Variants in DCHS2 observed in about 807,000 individuals in gnomAD.
DCHS2 encodes the protein protocadherin-23.
DCHS2 carries 142 observed loss-of-function variants against 182.4 expected under a neutral mutation model. The observed-to-expected ratio is 0.78, with a 90% CI of 0.68 to 0.89. The LOEUF (loss-of-function observed/expected upper bound fraction) is 0.89, where lower values mean the gene tolerates loss of function less well. Among genes scored for constraint, DCHS2 ranks in the 40% least tolerant of loss-of-function variants. The pLI is 0.00. For synonymous variants in DCHS2, 1,740 were observed against 1,663.3 expected (o/e 1.05, Z -1.12); for missense variants, 4,319 against 4,198.6 (o/e 1.03, Z -0.79).
chr4:154,322,603 G>T, intron 7 of DCHS2, 115 bp from the exon 8 acceptor site: 1 of 1,285,634 alleles, frequency 7.8e-7, no homozygotes, highest in Non-Finnish European at 1.0e-6. Context: ...AATTCTATGA[G>T]AGTATGAACA....
intron 14 of DCHS2, among the ~76,000 whole-genome samples, chr4:154,264,171 C>CAG (rs1560994858): frequency 6.6e-6 from 1 of 152,064 alleles, no homozygotes; most frequent in Non-Finnish European, 1.5e-5. Flanking sequence ...ACTGAGGCTT[C>CAG]AGAGAATCGT....
chr4:154,399,059 A>G (rs566552790), intron 1 of DCHS2, among the ~76,000 whole-genome samples: 33 of 152,322 alleles, frequency 2.2e-4, no homozygotes, highest in African/African-American at 7.5e-4. Context: ...TCCAAAAAAC[A>G]TCATCTTAAG....
At chr4:154,304,942 C>T in intron 11 of DCHS2, 64 bp from the exon 12 acceptor site, 1 of 1,527,214 alleles carries the variant, frequency 6.5e-7, no homozygotes, top group East Asian at 2.4e-5. Context: ...ATATGTTGTT[C>T]TAACTAGACA....
chr4:154,372,578 G>A (rs936602428), intron 2 of DCHS2, among the ~76,000 whole-genome samples: 4 of 152,066 alleles, frequency 2.6e-5, no homozygotes, highest in Admixed American at 2.0e-4. Flanking sequence ...TAGAGATAGA[G>A]TGTTAATAAG....
chr4:154,462,196 A>T (rs146229359), intron 1 of DCHS2, among the ~76,000 whole-genome samples: 1 of 152,282 alleles, frequency 6.6e-6, no homozygotes, highest in African/African-American at 2.4e-5. Context: ...GTTACAAATG[A>T]TACATCCAAT....
intron 3 of DCHS2, chr4:154,357,248 C>A: frequency 6.2e-7 from 1 of 1,613,408 alleles, no homozygotes; most frequent in Non-Finnish European, 8.5e-7. Context: ...GTAAAAACAT[C>A]TCTAAACTGT....
chr4:154,353,652 C>A (rs576768625), intron 3 of DCHS2, among the ~76,000 whole-genome samples: 1 of 152,138 alleles, frequency 6.6e-6, no homozygotes, highest in African/African-American at 2.4e-5. Context: ...CTTAACAATC[C>A]CTTGGACTTT....
intron 19 of DCHS2, 134 bp from the exon 20 acceptor site, chr4:154,237,293 T>C: frequency 1.7e-6 from 2 of 1,168,198 alleles, no homozygotes; most frequent in South Asian, 3.6e-5. Flanking sequence ...CAATGAACAA[T>C]GACTCCAAAT....
In DCHS2 at chr4:154,361,633, G is replaced by A. The variant is rs144438438; in HGVS notation, c.2476+4577C>T. 6.4e-3 allele frequency among the ~76,000 whole-genome samples: 973 copies of A among 152,050 alleles called. 12 individuals carry two copies. Among genetic ancestry groups the A allele is most frequent in the African/African-American group, 0.022 (912 of 41,480 alleles). ...GAAGGCTCAACTCAGTATCTCTCTC[G>A]TGGCGCCTAAACACATTTTACAAAA... On this transcript the variant is annotated intron_variant, in intron 3 of 19. Coordinates refer to ENST00000357232, the MANE Select transcript of DCHS2 (RefSeq NM_001358235.2).
chr4:154,289,606 G>A (rs199642993), intron 13 of DCHS2, among the ~76,000 whole-genome samples: 4 of 151,838 alleles, frequency 2.6e-5, no homozygotes, highest in South Asian at 2.1e-4. Flanking sequence ...TATTATCTTC[G>A]TACCAAAATC....
chr4:154,318,549 TAC>T (rs1735941784), intron 9 of DCHS2, among the ~76,000 whole-genome samples: 1 of 152,126 alleles, frequency 6.6e-6, no homozygotes, highest in East Asian at 1.9e-4. Context: ...TGCATTTCTA[TAC>T]ACTAACAAGG....
intron 1 of DCHS2, among the ~76,000 whole-genome samples, chr4:154,419,613 G>T (rs1222175077): frequency 8.4e-6 from 1 of 119,424 alleles, no homozygotes; most frequent in African/African-American, 3.2e-5. Context: ...TCACACCATT[G>T]CATTCCAGCC....
Position 154,322,222 on chromosome 4 carries a change from T to A in DCHS2, c.4176+109A>T, listed in dbSNP as rs796788711. ...CAAAATAGTATTCATGTAACATACA[T>A]ACATATTCATATACATACATATTAC... On this transcript the variant is annotated intron_variant, in intron 8 of 19. Coordinates refer to ENST00000357232, the MANE Select transcript of DCHS2 (RefSeq NM_001358235.2). The A allele has an allele frequency of 5.0e-5, 71 of 1,420,444 alleles. No homozygotes were observed. The African/African-American group carries it at 9.1e-4, about 18-fold the overall frequency. 88.0% of individuals were successfully genotyped at this position (1,420,444 alleles called of 1,614,324 possible). A position where few individuals can be genotyped will look rare whatever the true frequency, so the allele number is the denominator to read the frequency against.
At chr4:154,363,640 T>G (rs533402960) in intron 3 of DCHS2, among the ~76,000 whole-genome samples, 1 of 152,288 alleles carries the variant, frequency 6.6e-6, no homozygotes, top group Admixed American at 6.5e-5. Flanking sequence ...TTTATAGCAT[T>G]AATAATAATG....
chr4:154,452,892 A>G (rs1000928716), intron 1 of DCHS2, among the ~76,000 whole-genome samples: 1 of 152,180 alleles, frequency 6.6e-6, no homozygotes, highest in East Asian at 1.9e-4. Context: ...CTTCAGGATA[A>G]AGGCTTTGCA....
At chr4:154,343,899 G>A (rs1002587643) in intron 3 of DCHS2, among the ~76,000 whole-genome samples, 6 of 152,244 alleles carry the variant, frequency 3.9e-5, no homozygotes, top group African/African-American at 7.2e-5. Flanking sequence ...TCATGCCTTC[G>A]TCACTATGCT....
chr4:154,402,062 CAAAT>C (rs1423334200), intron 1 of DCHS2, among the ~76,000 whole-genome samples: 1 of 152,170 alleles, frequency 6.6e-6, no homozygotes, highest in African/African-American at 2.4e-5. Flanking sequence ...TAAGCAATCT[CAAAT>C]TAATTTTCAT....
At chr4:154,393,313 C>T (rs1731787601) in intron 1 of DCHS2, among the ~76,000 whole-genome samples, 1 of 152,168 alleles carries the variant, frequency 6.6e-6, no homozygotes, top group Admixed American at 6.5e-5. Context: ...GTCCCATTCA[C>T]ATGGCTCTTC....
At chr4:154,379,442 T>C (rs1296318861) in intron 1 of DCHS2, among the ~76,000 whole-genome samples, 3 of 152,184 alleles carry the variant, frequency 2.0e-5, no homozygotes, top group Non-Finnish European at 4.4e-5. Flanking sequence ...TATCATTTAG[T>C]CTAGAATATG....
Sources: gnomAD v4.1 joint callset for allele counts (sites outside exome capture counted in the v4.1 genomes callset) on GRCh38, gnomAD v4.1.1 for gene constraint, MANE v1.5 for transcripts, NCBI Gene and HGNC (gene_info 2026-07-23, HGNC 2026-07-21) for gene names.